GRK3: variants seen among roughly 807,000 people sequenced by gnomAD.
The protein encoded by GRK3 is G protein-coupled receptor kinase 3, also known as adrenergic, beta, receptor kinase 2.
Under a neutral mutation model 95.7 loss-of-function variants are expected in GRK3, and 54 were observed. That is an observed-to-expected ratio of 0.56 (90% CI 0.45 to 0.71). The LOEUF (loss-of-function observed/expected upper bound fraction) is 0.71, where lower values mean the gene tolerates loss of function less well. Ranked by LOEUF, GRK3 falls within the 30% of genes least tolerant of loss-of-function variation. The pLI, the probability that GRK3 is intolerant of heterozygous loss-of-function variation, is 0.00. For missense variants in GRK3, 649 were observed against 851.2 expected (o/e 0.76, Z 2.96); for synonymous variants, 281 against 290.8 (o/e 0.97, Z 0.34).
At chr22:25,689,645 T>C (rs2085149601) in intron 11 of GRK3, among the ~76,000 whole-genome samples, 1 of 152,230 alleles carries the variant, frequency 6.6e-6, no homozygotes, top group East Asian at 1.9e-4. Flanking sequence ...GGTAGGGCCC[T>C]ATGTTAATGA....
intron 1 of GRK3, among the ~76,000 whole-genome samples, chr22:25,591,151 T>C (rs542275724): frequency 6.6e-6 from 1 of 152,214 alleles, no homozygotes; most frequent in African/African-American, 2.4e-5. Flanking sequence ...ATGACCATCC[T>C]CTCCGGTGTG....
In GRK3 at chr22:25,661,581, G is replaced by A. The variant is rs758398495; in HGVS notation, c.270G>A (p.Lys90=). 1.9e-6 allele frequency: 3 copies of A among 1,605,268 alleles called. No homozygotes were observed. Among genetic ancestry groups the A allele is most frequent in the South Asian group, 2.2e-5 (2 of 90,630 alleles). Residue 90 remains lysine, a synonymous_variant, in exon 4 of 21, where the codon AAG becomes AAA. Transcript: ENST00000324198. ...VPQVKFYEEI[K]EYEKLDNEED... ...GATAACTTTAAAAAACCTAGATAAAGGAATATGAAAAACTTGATAATGAGG... is the reference window on the plus strand; with the variant it reads ...GATAACTTTAAAAAACCTAGATAAAAGAATATGAAAAACTTGATAATGAGG...
intron 7 of GRK3, among the ~76,000 whole-genome samples, chr22:25,674,168 A>G (rs994277384): frequency 3.3e-5 from 5 of 152,114 alleles, no homozygotes; most frequent in Non-Finnish European, 5.9e-5. Context: ...GAGTGGAGAA[A>G]CAGTTCGGCT....
intron 2 of GRK3, among the ~76,000 whole-genome samples, chr22:25,628,736 A>G (rs975779602): frequency 1.3e-5 from 2 of 152,236 alleles, no homozygotes; most frequent in Non-Finnish European, 2.9e-5. Flanking sequence ...ATTTGGTAAC[A>G]GTGCTTGTCA....
At chr22:25,616,840 T>C (rs768646588) in intron 2 of GRK3, among the ~76,000 whole-genome samples, 3 of 152,242 alleles carry the variant, frequency 2.0e-5, no homozygotes, top group Non-Finnish European at 4.4e-5. Flanking sequence ...AGGGCGATGA[T>C]GTTGTTTATG....
intron 7 of GRK3, among the ~76,000 whole-genome samples, chr22:25,673,313 C>T (rs186687857): frequency 6.4e-4 from 97 of 152,174 alleles, no homozygotes; most frequent in African/African-American, 2.0e-3. Flanking sequence ...CAGCCCGCCT[C>T]GGCCTCCCGA....
At chr22:25,583,205 A>C (rs1370762966) in intron 1 of GRK3, among the ~76,000 whole-genome samples, 2 of 152,176 alleles carry the variant, frequency 1.3e-5, no homozygotes, top group Non-Finnish European at 2.9e-5. Flanking sequence ...TTCATCCGTT[A>C]GTCATTGGGA....
rs551713382 is a variant in GRK3 at position 25,601,269 on chromosome 22, C to A, written c.114-3108C>A. 2.6e-5 allele frequency among the ~76,000 whole-genome samples: 4 copies of A among 152,238 alleles called. No individual in the cohort carries two copies. In the South Asian group the frequency reaches 6.2e-4, roughly 24 times the overall value. The stretch of plus-strand genomic sequence containing the variant: ...AGATCATATTCTAGGCAATAAAACA[C>A]ATATCAACAAATCATAAAAGAACTG... On this transcript the variant is annotated intron_variant, in intron 1 of 20. Coordinates refer to ENST00000324198, the MANE Select transcript of GRK3 (RefSeq NM_005160.4).
At chr22:25,584,540 C>T (rs1309232134) in intron 1 of GRK3, among the ~76,000 whole-genome samples, 1 of 152,270 alleles carries the variant, frequency 6.6e-6, no homozygotes, top group African/African-American at 2.4e-5. Flanking sequence ...AAAAGGTGAA[C>T]ATTCTCAATG....
At chr22:25,706,896 C>A (rs1180029077) in intron 15 of GRK3, among the ~76,000 whole-genome samples, 1 of 152,154 alleles carries the variant, frequency 6.6e-6, no homozygotes, top group African/African-American at 2.4e-5. Context: ...GATCATAGCT[C>A]ACTCCAGCTC....
At chr22:25,597,877 A>T (rs1034090809) in intron 1 of GRK3, among the ~76,000 whole-genome samples, 1 of 152,226 alleles carries the variant, frequency 6.6e-6, no homozygotes, top group African/African-American at 2.4e-5. Context: ...CCCAATAACA[A>T]TATCTTTCAA....
chr22:25,654,261 T>C (rs2084854671), intron 3 of GRK3, among the ~76,000 whole-genome samples: 1 of 152,198 alleles, frequency 6.6e-6, no homozygotes, highest in Admixed American at 6.5e-5. Context: ...ATACCATTAT[T>C]ATTAGTGTGA....
chr22:25,629,606 G>A lies in GRK3; in HGVS notation c.191-14986G>A, dbSNP rs146853451. Among the ~76,000 whole-genome samples the A allele has an allele frequency of 2.7e-3, 415 of 152,320 alleles. 3 individuals carry two copies. Among genetic ancestry groups the A allele is most frequent in the African/African-American group, 9.5e-3 (396 of 41,580 alleles). On this transcript the variant is annotated intron_variant, in intron 2 of 20. Coordinates refer to ENST00000324198, the MANE Select transcript of GRK3 (RefSeq NM_005160.4). Reference sequence around the variant, plus strand: ...AGTCGTAAGGGACACCTGGCTGGTGGGTGGGCAGGTCAGGTCTGGGCAGGT... The same window carrying A: ...AGTCGTAAGGGACACCTGGCTGGTGAGTGGGCAGGTCAGGTCTGGGCAGGT...
intron 3 of GRK3, 69 bp from the exon 4 acceptor site, chr22:25,661,507 G>C: frequency 2.0e-6 from 2 of 996,012 alleles, no homozygotes; most frequent in Non-Finnish European, 3.1e-6. Context: ...GCCTGGGCCA[G>C]TAATATATTT....
At chr22:25,710,007 G>T in intron 16 of GRK3, 43 bp downstream of exon 16, 2 of 1,363,500 alleles carry the variant, frequency 1.5e-6, no homozygotes, top group Non-Finnish European at 2.1e-6. Flanking sequence ...CTGCCGCCCC[G>T]CCCTTACCCG....
At position 25,615,566 on chromosome 22, in the gene GRK3, T is replaced by C. The variant is rs561939014; in HGVS notation, c.190+11113T>C. Among the ~76,000 whole-genome samples the C allele has an allele frequency of 2.0e-5, 3 of 151,956 alleles. No homozygotes were observed. In the South Asian group the frequency reaches 6.3e-4, roughly 32 times the overall value. On this transcript the variant is annotated intron_variant, in intron 2 of 20. Transcript: ENST00000324198. ...TGTGCTGTGGGGGTGATGGTTAAGC[T>C]TTGTTTGAAACTTGTTGCTCAACAT...
intron 9 of GRK3, 59 bp downstream of exon 9, chr22:25,678,974 T>G: frequency 8.4e-7 from 1 of 1,190,486 alleles, no homozygotes; most frequent in Non-Finnish European, 1.2e-6. Flanking sequence ...CATAGCAGGA[T>G]GATTTATTAT....
intron 12 of GRK3, 22 bp from the exon 13 acceptor site, chr22:25,695,085 G>A (rs751535348): frequency 6.3e-7 from 1 of 1,577,834 alleles, no homozygotes; most frequent in African/African-American, 1.3e-5. Context: ...TCTGATAACT[G>A]TGTATACTTT....
intron 8 of GRK3, 118 bp downstream of exon 8, chr22:25,674,646 C>A: frequency 1.3e-6 from 1 of 784,244 alleles, no homozygotes; most frequent in Non-Finnish European, 2.1e-6. Context: ...AAGTACTTTA[C>A]CTCCAAAAGA....
Sources: allele counts gnomAD v4.1 joint callset (sites outside exome capture counted in the v4.1 genomes callset), GRCh38; gene constraint gnomAD v4.1.1; transcripts MANE v1.5; gene names NCBI Gene and HGNC (gene_info 2026-07-23, HGNC 2026-07-21).